CCT3: variants seen among roughly 807,000 people sequenced by gnomAD.
The protein encoded by CCT3 is T-complex protein 1 subunit gamma.
CCT3 carries 10 observed loss-of-function variants against 65.3 expected under a neutral mutation model. The observed-to-expected ratio is 0.15, with a 90% CI of 0.09 to 0.26. The LOEUF is 0.26. Ranked by LOEUF, CCT3 falls within the 10% of genes least tolerant of loss-of-function variation. The probability of loss-of-function intolerance (pLI) is 1.00; values close to 1 mark genes in which losing one functional copy is unlikely to be tolerated. For missense variants in CCT3, 626 were observed against 708.7 expected, an observed-to-expected ratio of 0.88 and a Z score of 1.33; for synonymous variants, 225 against 242.3, an observed-to-expected ratio of 0.93 and a Z score of 0.66.
Position 156,334,877 on chromosome 1 carries a change from G to T in CCT3, c.135C>A (p.Ser45=). ...GAAGAGATAAGCCTACCTTCATCATGGACTTGGGTCCCAAACATGTTCGGA... is the reference window on the plus strand; with the variant it reads ...GAAGAGATAAGCCTACCTTCATCATTGACTTGGGTCCCAAACATGTTCGGA... ...DIIRTCLGPK[S]MMKMLLDPMG... is the part of the protein sequence containing the mutation. The change falls in exon 3 of 14, where the codon TCC becomes TCA. Residue 45 remains serine (S), a synonymous_variant. Transcript: ENST00000295688. The T allele has an allele frequency of 6.2e-7, 1 of 1,614,040 alleles. No individual in the cohort carries two copies. Among genetic ancestry groups the T allele is most frequent in the Non-Finnish European group, 8.5e-7 (1 of 1,179,952 alleles).
At chr1:156,337,792 G>GAAA (rs58684067) in intron 1 of CCT3, 1,509 of 280,256 alleles carry the variant, frequency 5.4e-3, no homozygotes, top group Non-Finnish European at 6.8e-3. Context: ...AGACCTAACT[G>GAAA]AAAAAAAAAC....
chr1:156,322,636 T>A (rs1306824851), intron 6 of CCT3, among the ~76,000 whole-genome samples: 1 of 151,582 alleles, frequency 6.6e-6, no homozygotes, highest in Non-Finnish European at 1.5e-5. Context: ...GGCAGGCGGA[T>A]CACCTGAGGT....
At chr1:156,338,004 G>A in intron 1 of CCT3, 150 bp downstream of exon 1, 4 of 815,916 alleles carry the variant, frequency 4.9e-6, no homozygotes, top group Non-Finnish European at 6.1e-6. Flanking sequence ...AGAGAAGAGA[G>A]GAAAGCGGGA....
rs1664104362 is a variant in CCT3 at position 156,312,025 on chromosome 1, T to TCCAA, written c.1155+12_1155+15dup. On this transcript the variant is annotated intron_variant, in intron 11 of 13. Coordinates refer to ENST00000295688, the MANE Select transcript of CCT3 (RefSeq NM_005998.5). The stretch of plus-strand genomic sequence containing the variant: ...GTGATCTACTTCATCTGGTCATACA[T>TCCAA]CCAAGGCTGACTCACCGAGAGAATC... 13 of 1,597,266 alleles carry TCCAA rather than the reference T, an allele frequency of 8.1e-6. No homozygotes were observed. The highest frequency in any genetic ancestry group is 1.1e-5 in the Non-Finnish European group (13 of 1,172,634).
chr1:156,311,575 G>A lies in CCT3; in HGVS notation c.1156-380C>T, dbSNP rs539627898. Among the ~76,000 whole-genome samples the A allele has an allele frequency of 1.6e-4, 24 of 152,276 alleles. No individual in the cohort carries two copies. In the East Asian group the frequency reaches 4.4e-3, roughly 28 times the overall value. ...CACCCCTTCCTAGTTGTATCTTTTAGGAGGTTGCATGGTGTTGTACACTCT... is the reference window on the plus strand; with the variant it reads ...CACCCCTTCCTAGTTGTATCTTTTAAGAGGTTGCATGGTGTTGTACACTCT... On this transcript the variant is annotated intron_variant, in intron 11 of 13. Transcript: ENST00000295688.
chr1:156,335,037 A>T (rs886084554), intron 2 of CCT3, 119 bp from the exon 3 acceptor site: 8 of 816,802 alleles, frequency 9.8e-6, no homozygotes, highest in Middle Eastern at 7.3e-4. Context: ...ATTTTATTTT[A>T]ATTTTATTTT....
chr1:156,316,879 TTAGA>T (rs957203730), intron 10 of CCT3, among the ~76,000 whole-genome samples: 3 of 152,150 alleles, frequency 2.0e-5, no homozygotes, highest in East Asian at 1.9e-4. Flanking sequence ...AGAAAACCTC[TTAGA>T]TAGGCAGTTA....
At chr1:156,319,500 C>A (rs1013064223) in intron 7 of CCT3, among the ~76,000 whole-genome samples, 2 of 151,956 alleles carry the variant, frequency 1.3e-5, no homozygotes, top group African/African-American at 4.8e-5. Context: ...TTAGGAAATA[C>A]ACCAATTTTA....
chr1:156,310,978 C>G lies in CCT3; in HGVS notation c.1373G>C (p.Ser458Thr). Reference sequence around the variant, plus strand: ...AAGGGAGGTAAGTAGACGGATGGTGCTGGCCCCACAGTTCTGGATCAGGGT... The same window carrying G: ...AAGGGAGGTAAGTAGACGGATGGTGGTGGCCCCACAGTTCTGGATCAGGGT... ...PRTLIQNCGA[S>T]TIRLLTSLRA... Residue 458 changes from serine (S) to threonine (T), a missense_variant, in exon 12 of 14, where the codon AGC becomes ACC. Physicochemically the swap from Ser to Thr is moderately conservative, Grantham distance 58. Coordinates refer to ENST00000295688, the MANE Select transcript of CCT3 (RefSeq NM_005998.5). The G allele has an allele frequency of 6.2e-7, 1 of 1,614,206 alleles. No individual in the cohort carries two copies. The highest frequency in any genetic ancestry group is 8.5e-7 in the Non-Finnish European group (1 of 1,180,034).
intron 6 of CCT3, among the ~76,000 whole-genome samples, chr1:156,322,312 T>G (rs1467237437): frequency 6.6e-6 from 1 of 151,768 alleles, no homozygotes; most frequent in Non-Finnish European, 1.5e-5. Flanking sequence ...GCTTCACCAA[T>G]ATGGTGAAAC....
intron 2 of CCT3, chr1:156,335,484 C>T: frequency 3.9e-6 from 1 of 254,796 alleles, no homozygotes; most frequent in Non-Finnish European, 7.4e-6. Context: ...GAATATCTAT[C>T]CAAGATCTAC....
intron 1 of CCT3, chr1:156,337,875 G>C (rs993982807): frequency 7.5e-5 from 38 of 505,174 alleles, no homozygotes; most frequent in South Asian, 1.8e-4. Flanking sequence ...GGGGAAGCGT[G>C]GGGGCTGAGG....
rs944912116 is a variant in CCT3, at chr1:156,317,454, G to T, written c.853C>A (p.Leu285Met). ...TCAGTGATGACCACATCGGGCTTCA[G>T]TTGGATAATGTCCTCACAGAGCTGC... ...IQQLCEDIIQLKPDVVITEKG... is the reference protein window; with the variant it reads ...IQQLCEDIIQMKPDVVITEKG... Residue 285 changes from leucine to methionine, a missense_variant, in exon 9 of 14, where the codon CTG (leucine) becomes ATG (methionine). By Grantham distance (15) the Leu-to-Met change is conservative. Transcript: ENST00000295688. The T allele has an allele frequency of 4.3e-6, 7 of 1,613,956 alleles. No homozygotes were observed. Among genetic ancestry groups the T allele is most frequent in the South Asian group, 3.3e-5 (3 of 91,076 alleles).
intron 10 of CCT3, among the ~76,000 whole-genome samples, chr1:156,315,366 A>G (rs1037493677): frequency 5.3e-5 from 8 of 151,998 alleles, no homozygotes; most frequent in South Asian, 2.1e-4. Context: ...GCACCACCAC[A>G]CCTAGCTAAT....
intron 6 of CCT3, among the ~76,000 whole-genome samples, chr1:156,323,452 T>C (rs1023075170): frequency 2.0e-5 from 3 of 151,512 alleles, no homozygotes; most frequent in African/African-American, 4.9e-5. Flanking sequence ...GTGGAAAAAA[T>C]ATACATTTTT....
chr1:156,324,160 C>G (rs796717811), intron 6 of CCT3, among the ~76,000 whole-genome samples: 5 of 151,854 alleles, frequency 3.3e-5, no homozygotes, highest in African/African-American at 1.2e-4. Context: ...CTTCGCCTCC[C>G]GGGTCCAAGC....
At chr1:156,318,778 G>C in intron 8 of CCT3, 90 bp downstream of exon 8, 1 of 1,257,316 alleles carries the variant, frequency 8.0e-7, no homozygotes, top group Non-Finnish European at 1.1e-6. Context: ...CACCCAGAAG[G>C]CATGCAATAA....
At chr1:156,314,247 C>T (rs1664212431) in intron 10 of CCT3, among the ~76,000 whole-genome samples, 1 of 152,120 alleles carries the variant, frequency 6.6e-6, no homozygotes, top group African/African-American at 2.4e-5. Flanking sequence ...CAGGAGCAAA[C>T]TGTGTCCAGA....
At chr1:156,327,975 C>T (rs1314261013) in intron 5 of CCT3, among the ~76,000 whole-genome samples, 1 of 146,794 alleles carries the variant, frequency 6.8e-6, no homozygotes, top group Non-Finnish European at 1.5e-5. Context: ...CTCTGCCTGG[C>T]AACCGCCCTG....
Sources: allele counts gnomAD v4.1 joint callset (sites outside exome capture counted in the v4.1 genomes callset), GRCh38; gene constraint gnomAD v4.1.1; transcripts MANE v1.5; gene names NCBI Gene and HGNC (gene_info 2026-07-23, HGNC 2026-07-21).